PPIG: variants seen among roughly 807,000 people sequenced by gnomAD.
PPIG encodes the protein peptidylprolyl isomerase G.
Under a neutral mutation model 87.9 loss-of-function variants are expected in PPIG, and 26 were observed. The ratio of observed to expected loss-of-function variants is 0.30; its 90% CI spans 0.22 to 0.41. The LOEUF is 0.41. PPIG is among the 10% of genes least tolerant of loss of function. PPIG has a pLI of 1.00. For missense variants in PPIG, 722 were observed against 879.4 expected, an observed-to-expected ratio of 0.82 and a Z score of 2.26; for synonymous variants, 308 against 276.5, an observed-to-expected ratio of 1.11 and a Z score of -1.13.
intron 9 of PPIG, among the ~76,000 whole-genome samples, chr2:169,626,407 T>C (rs1353638564): frequency 6.6e-6 from 1 of 152,210 alleles, no homozygotes; most frequent in Admixed American, 6.5e-5. Flanking sequence ...ATTTTTTATT[T>C]TTTTGGAACG....
In PPIG at chr2:169,616,634, A is replaced by G. The variant is rs950687188; in HGVS notation, c.547+1910A>G. 5.9e-5 allele frequency among the ~76,000 whole-genome samples: 9 copies of G among 152,204 alleles called. 1 individual carries two copies. Among genetic ancestry groups the G allele is most frequent in the African/African-American group, 1.9e-4 (8 of 41,448 alleles). The stretch of plus-strand genomic sequence containing the variant: ...TTTTCTTTTCATGTTTGTTGGCCAC[A>G]TAAATGTCTTCTTTTGAGAAGTGTC... On this transcript the variant is annotated intron_variant, in intron 9 of 13. Coordinates refer to ENST00000260970, the MANE Select transcript of PPIG (RefSeq NM_004792.3).
At chr2:169,628,249 C>A (rs994717035) in intron 9 of PPIG, among the ~76,000 whole-genome samples, 5 of 152,128 alleles carry the variant, frequency 3.3e-5, no homozygotes, top group Non-Finnish European at 7.3e-5. Context: ...TGCGTATATC[C>A]CAAACATCTC....
Position 169,636,713 on chromosome 2 carries a change from G to T in PPIG, c.1455G>T (p.Met485Ile), listed in dbSNP as rs935900117. ...SKHNRNEEKRMRSRSKGRDHE... is the reference protein window; with the variant it reads ...SKHNRNEEKRIRSRSKGRDHE... Reference sequence around the variant, plus strand: ...ATAATAGAAATGAAGAAAAGAGGATGAGGTCAAGGAGTAAAGGAAGGGATC... The same window carrying T: ...ATAATAGAAATGAAGAAAAGAGGATTAGGTCAAGGAGTAAAGGAAGGGATC... Residue 485 changes from methionine (M) to isoleucine (I), a missense_variant, in exon 14 of 14, where the codon ATG becomes ATT. Met to Ile is a conservative substitution (Grantham distance 10). Transcript: ENST00000260970. 2 of 1,611,038 alleles carry T rather than the reference G, an allele frequency of 1.2e-6. No individual in the cohort carries two copies. The highest frequency in any genetic ancestry group is 2.7e-5 in the African/African-American group (2 of 74,594).
chr2:169,593,615 A>G (rs1277409030), intron 1 of PPIG, among the ~76,000 whole-genome samples: 1 of 151,310 alleles, frequency 6.6e-6, no homozygotes, highest in African/African-American at 2.4e-5. Flanking sequence ...AGTAGTTTAC[A>G]CAATCATCAT....
intron 9 of PPIG, among the ~76,000 whole-genome samples, chr2:169,628,128 G>A (rs1158744701): frequency 6.6e-6 from 1 of 152,058 alleles, no homozygotes; most frequent in Non-Finnish European, 1.5e-5. Flanking sequence ...GACAAAATTA[G>A]CTTCACCAGG....
chr2:169,630,364 C>CA (rs1686010424), intron 9 of PPIG, among the ~76,000 whole-genome samples: 1 of 152,094 alleles, frequency 6.6e-6, no homozygotes, highest in Non-Finnish European at 1.5e-5. Flanking sequence ...CTTATCTCTC[C>CA]ATGTTGCTGT....
rs773349841 is a variant in PPIG, at chr2:169,604,215, T to C, written c.90T>C (p.Ser30=). ...GAAGAGTTGTCTTTGAATTATTTTC[T>C]GATGTGTGCCCCAAAACATGCGAGA... The part of the protein sequence containing the change: ...PAGRVVFELF[S]DVCPKTCENF... Residue 30 remains serine (S), a synonymous_variant, in exon 4 of 14, where the codon TCT becomes TCC. Coordinates refer to ENST00000260970, the MANE Select transcript of PPIG (RefSeq NM_004792.3). 6.2e-7 allele frequency: 1 copy of C among 1,613,072 alleles called. No individual in the cohort carries two copies. The highest frequency in any genetic ancestry group is 1.1e-5 in the South Asian group (1 of 91,032).
chr2:169,611,543 G>A (rs1418931763), intron 7 of PPIG, among the ~76,000 whole-genome samples: 1 of 152,080 alleles, frequency 6.6e-6, no homozygotes, highest in Non-Finnish European at 1.5e-5. Flanking sequence ...TATTTAAGAA[G>A]TTTACTTAAT....
At chr2:169,623,735 A>G (rs1175958065) in intron 9 of PPIG, among the ~76,000 whole-genome samples, 1 of 152,200 alleles carries the variant, frequency 6.6e-6, no homozygotes, top group Non-Finnish European at 1.5e-5. Flanking sequence ...TTAAACTTAG[A>G]AACGGTTTAG....
chr2:169,632,686 A>G (rs963123175), intron 11 of PPIG, among the ~76,000 whole-genome samples: 7 of 152,096 alleles, frequency 4.6e-5, no homozygotes, highest in Admixed American at 2.6e-4. Flanking sequence ...CGGAGCTTGC[A>G]GTGAGCCGAG....
At chr2:169,588,194 A>G (rs971130718) in intron 1 of PPIG, among the ~76,000 whole-genome samples, 1 of 152,116 alleles carries the variant, frequency 6.6e-6, no homozygotes, top group Non-Finnish European at 1.5e-5. Context: ...AAAAATATGA[A>G]TGATTCCTTA....
At chr2:169,633,741 A>T (rs1686116184) in intron 12 of PPIG, among the ~76,000 whole-genome samples, 1 of 152,002 alleles carries the variant, frequency 6.6e-6, no homozygotes, top group African/African-American at 2.4e-5. Context: ...ACAGCACTTG[A>T]TACATAATCA....
At chr2:169,600,073 A>T (rs1685137247) in intron 1 of PPIG, among the ~76,000 whole-genome samples, 1 of 139,684 alleles carries the variant, frequency 7.2e-6, no homozygotes, top group Non-Finnish European at 1.6e-5. Flanking sequence ...TGAGAGGAAA[A>T]AAAAATTTTT....
At chr2:169,588,235 G>C (rs757643765) in intron 1 of PPIG, among the ~76,000 whole-genome samples, 3 of 143,630 alleles carry the variant, frequency 2.1e-5, no homozygotes, top group East Asian at 1.9e-4. Context: ...AAGCATATTC[G>C]TGTGTGTGTG....
chr2:169,622,186 C>T (rs13383232), intron 9 of PPIG, among the ~76,000 whole-genome samples: 21,755 of 151,894 alleles, frequency 0.14, 1,618 homozygotes, highest in South Asian at 0.25. Flanking sequence ...CTTGGGAGGC[C>T]GAGGTGGACG....
At chr2:169,624,223 A>C (rs4618015) in intron 9 of PPIG, among the ~76,000 whole-genome samples, 90,700 of 152,022 alleles carry the variant, frequency 0.6, 27,704 homozygotes, top group African/African-American at 0.73. Context: ...AACTTGACCT[A>C]CCAAAGTGCT....
At chr2:169,621,547 A>G (rs887554055) in intron 9 of PPIG, among the ~76,000 whole-genome samples, 5 of 152,098 alleles carry the variant, frequency 3.3e-5, no homozygotes, top group South Asian at 2.1e-4. Context: ...TACAAATGCA[A>G]TTATTTACAT....
At chr2:169,616,483 A>G (rs915572962) in intron 9 of PPIG, among the ~76,000 whole-genome samples, 3 of 152,060 alleles carry the variant, frequency 2.0e-5, no homozygotes, top group Non-Finnish European at 4.4e-5. Flanking sequence ...CAGTGTTCCT[A>G]TTTCTCCACA....
chr2:169,597,697 C>G (rs1685057713), intron 1 of PPIG, among the ~76,000 whole-genome samples: 1 of 151,968 alleles, frequency 6.6e-6, no homozygotes, highest in African/African-American at 2.4e-5. Flanking sequence ...CATGGTTTCG[C>G]CATGTTGGCC....
Sources: allele counts gnomAD v4.1 joint callset (sites outside exome capture counted in the v4.1 genomes callset), GRCh38; gene constraint gnomAD v4.1.1; transcripts MANE v1.5; gene names NCBI Gene and HGNC (gene_info 2026-07-23, HGNC 2026-07-21).